SPOCK3: variants seen among roughly 807,000 people sequenced by gnomAD.
The protein encoded by SPOCK3 is testican-3.
SPOCK3 carries 30 observed loss-of-function variants against 56.6 expected under a neutral mutation model. The observed-to-expected ratio is 0.53, with a 90% CI of 0.40 to 0.72. SPOCK3 has a LOEUF of 0.72. Among genes scored for constraint, SPOCK3 ranks in the 30% least tolerant of loss-of-function variants. SPOCK3 has a pLI of 0.00. For missense variants in SPOCK3, 527 were observed against 530.0 expected (o/e 0.99, Z 0.06); for synonymous variants, 196 against 183.3 (o/e 1.07, Z -0.56).
At chr4:167,043,628 C>T (rs1753431025) in intron 3 of SPOCK3, among the ~76,000 whole-genome samples, 1 of 151,900 alleles carries the variant, frequency 6.6e-6, no homozygotes, top group Non-Finnish European at 1.5e-5. Flanking sequence ...CTACTTTATA[C>T]ATAGTTTTTA....
intron 2 of SPOCK3, among the ~76,000 whole-genome samples, chr4:167,134,311 G>T (rs1410828626): frequency 6.6e-6 from 1 of 152,024 alleles, no homozygotes; most frequent in Non-Finnish European, 1.5e-5. Flanking sequence ...GGGATTACAG[G>T]TGTGAGCCAT....
chr4:167,208,431 G>T (rs1019819166), intron 2 of SPOCK3, among the ~76,000 whole-genome samples: 1 of 152,010 alleles, frequency 6.6e-6, no homozygotes, highest in African/African-American at 2.4e-5. Context: ...GACTCAAGTC[G>T]CTTACTTTTA....
At chr4:167,051,962 A>G (rs572631140) in intron 3 of SPOCK3, among the ~76,000 whole-genome samples, 2 of 152,344 alleles carry the variant, frequency 1.3e-5, no homozygotes, top group East Asian at 3.9e-4. Context: ...ATAACATATA[A>G]GGAAACGGAA....
chr4:166,889,701 T>C (rs558593611), intron 5 of SPOCK3, among the ~76,000 whole-genome samples: 6 of 152,056 alleles, frequency 3.9e-5, no homozygotes, highest in Admixed American at 3.9e-4. Context: ...TGCATCAGTC[T>C]TTAGCCAGTG....
At chr4:166,871,450 A>G (rs997017098) in intron 6 of SPOCK3, among the ~76,000 whole-genome samples, 2 of 152,126 alleles carry the variant, frequency 1.3e-5, no homozygotes, top group Non-Finnish European at 2.9e-5. Context: ...AAATTTGATA[A>G]TTTTAGTAAA....
chr4:167,069,801 A>G (rs923466937), intron 2 of SPOCK3, among the ~76,000 whole-genome samples: 1 of 151,932 alleles, frequency 6.6e-6, no homozygotes, highest in Non-Finnish European at 1.5e-5. Flanking sequence ...TGGTTATGTA[A>G]CCCTGTAGAA....
At chr4:166,943,559 A>AT (rs1234975179) in intron 4 of SPOCK3, among the ~76,000 whole-genome samples, 1 of 152,196 alleles carries the variant, frequency 6.6e-6, no homozygotes. Context: ...TAGTTGTTCA[A>AT]TTTTTTACAG....
At position 166,734,968 on chromosome 4, in the gene SPOCK3, C is replaced by A. The variant is rs1290747578; in HGVS notation, c.1255G>T (p.Glu419Ter). Residue 419 changes from glutamate to a stop codon, truncating the protein, a stop_gained, in exon 11 of 11, where the codon GAA becomes TAA. Coordinates refer to ENST00000357545, the MANE Select transcript of SPOCK3 (RefSeq NM_001040159.2). LOFTEE classifies it high-confidence loss of function. ...EDEIEDDDEDEGDDDDGGDDH... is the reference protein window; with the variant it reads ...EDEIEDDDED Reference sequence around the variant, plus strand: ...TCACCACCATCATCATCATCCCCTTCATCTTCATCATCATCTTCAATTTCA... The same window carrying A: ...TCACCACCATCATCATCATCCCCTTAATCTTCATCATCATCTTCAATTTCA... The A allele has an allele frequency of 2.6e-6, 4 of 1,514,048 alleles. No homozygotes were observed. The South Asian group carries it at 3.4e-5, about 13-fold the overall frequency. 93.8% of individuals were successfully genotyped at this position (1,514,048 alleles called of 1,614,324 possible). A position where few individuals can be genotyped will look rare whatever the true frequency, so the allele number is the denominator to read the frequency against.
chr4:166,943,469 T>G (rs1741352045), intron 4 of SPOCK3, among the ~76,000 whole-genome samples: 1 of 152,180 alleles, frequency 6.6e-6, no homozygotes, highest in Admixed American at 6.5e-5. Context: ...ATCACATTAT[T>G]TAGTGAAAGT....
chr4:167,174,094 T>C (rs953956023), intron 2 of SPOCK3, among the ~76,000 whole-genome samples: 5 of 152,130 alleles, frequency 3.3e-5, no homozygotes, highest in African/African-American at 1.2e-4. Context: ...AACAATAACA[T>C]TTTATTCCTT....
At chr4:166,739,960 A>C (rs566073770) in intron 9 of SPOCK3, among the ~76,000 whole-genome samples, 40 of 152,298 alleles carry the variant, frequency 2.6e-4, no homozygotes, top group Non-Finnish European at 4.9e-4. Context: ...TCTATGGATT[A>C]AAGGCCAGAA....
intron 2 of SPOCK3, among the ~76,000 whole-genome samples, chr4:167,215,754 T>C (rs1271476182): frequency 6.6e-6 from 1 of 152,162 alleles, no homozygotes; most frequent in African/African-American, 2.4e-5. Flanking sequence ...TGGTAAGACC[T>C]GTCTATCATC....
chr4:167,142,510 G>T (rs1200085011), intron 2 of SPOCK3, among the ~76,000 whole-genome samples: 1 of 151,962 alleles, frequency 6.6e-6, no homozygotes, highest in Non-Finnish European at 1.5e-5. Context: ...GAATGTCTTA[G>T]AATGAGAGTC....
chr4:166,825,071 T>G (rs1163861953), intron 6 of SPOCK3, among the ~76,000 whole-genome samples: 1 of 152,078 alleles, frequency 6.6e-6, no homozygotes, highest in African/African-American at 2.4e-5. Flanking sequence ...CATGATAGTT[T>G]TATACTCATA....
intron 7 of SPOCK3, among the ~76,000 whole-genome samples, chr4:166,765,878 T>A (rs897233157): frequency 1.9e-4 from 29 of 152,272 alleles, no homozygotes; most frequent in African/African-American, 7.0e-4. Context: ...AGTGGTTTGC[T>A]GTTCTCCTTG....
chr4:167,057,276 C>T (rs1225074237), intron 3 of SPOCK3, among the ~76,000 whole-genome samples: 2 of 152,088 alleles, frequency 1.3e-5, no homozygotes, highest in Non-Finnish European at 2.9e-5. Flanking sequence ...TAAAAGAGCT[C>T]CTCAAGGAAG....
intron 7 of SPOCK3, among the ~76,000 whole-genome samples, chr4:166,773,050 C>T (rs750055693): frequency 2.6e-5 from 4 of 152,122 alleles, no homozygotes; most frequent in Admixed American, 6.6e-5. Flanking sequence ...CTTTGTCCTG[C>T]CAAAGTGCTG....
At chr4:166,925,800 G>A (rs1739029425) in intron 4 of SPOCK3, among the ~76,000 whole-genome samples, 1 of 152,064 alleles carries the variant, frequency 6.6e-6, no homozygotes, top group African/African-American at 2.4e-5. Context: ...ATACCTCAGA[G>A]TCAATGCTGT....
At chr4:166,903,468 A>G (rs1353345813) in intron 5 of SPOCK3, among the ~76,000 whole-genome samples, 1 of 152,058 alleles carries the variant, frequency 6.6e-6, no homozygotes, top group Non-Finnish European at 1.5e-5. Flanking sequence ...AAGGACCTGT[A>G]GGTTACTTTT....
Sources: allele counts gnomAD v4.1 joint callset (sites outside exome capture counted in the v4.1 genomes callset), GRCh38; gene constraint gnomAD v4.1.1; transcripts MANE v1.5; gene names NCBI Gene and HGNC (gene_info 2026-07-23, HGNC 2026-07-21).